Variants in NAALADL2 observed in about 807,000 individuals in gnomAD.
The protein encoded by NAALADL2 is N-acetylated alpha-linked acidic dipeptidase like 2, also known as inactive N-acetylated-alpha-linked acidic dipeptidase-like protein 2.
A neutral mutation model predicts 87.2 loss-of-function variants in NAALADL2; 76 were observed. The observed-to-expected ratio is 0.87, with a 90% CI of 0.72 to 1.05. NAALADL2 has a LOEUF of 1.05. Among genes scored for constraint, NAALADL2 ranks in the 50% least tolerant of loss-of-function variants. NAALADL2 has a pLI of 0.00. For missense variants in NAALADL2, 1,089 were observed against 945.8 expected (o/e 1.15, Z -1.99); for synonymous variants, 354 against 331.0 (o/e 1.07, Z -0.75).
chr3:175,305,714 G>T (rs1170582487), intron 4 of NAALADL2, among the ~76,000 whole-genome samples: 3 of 151,914 alleles, frequency 2.0e-5, no homozygotes, highest in Non-Finnish European at 4.4e-5. Flanking sequence ...TAGAGACAGG[G>T]TTTCTCCATG....
At position 175,330,597 on chromosome 3, in the gene NAALADL2, T is replaced by C. The variant is rs192269401; in HGVS notation, c.1090+6272T>C. On this transcript the variant is annotated intron_variant, in intron 5 of 13. Coordinates refer to ENST00000454872, the MANE Select transcript of NAALADL2 (RefSeq NM_207015.3). ...ACCATCAGGTTAAGGAGGGAAAAAA[T>C]ATTGAAACAAATGAAAATTGAAACA... 1.6e-3 allele frequency among the ~76,000 whole-genome samples: 236 copies of C among 151,822 alleles called. 2 individuals carry two copies. The highest frequency in any genetic ancestry group is 2.7e-3 in the Non-Finnish European group (183 of 67,912).
At chr3:175,173,810 T>G (rs976350178) in intron 2 of NAALADL2, among the ~76,000 whole-genome samples, 2 of 152,244 alleles carry the variant, frequency 1.3e-5, no homozygotes, top group East Asian at 3.9e-4. Flanking sequence ...CATAGTTTGT[T>G]GCATTCAGTA....
At chr3:175,119,524 CAGAG>C (rs1187397991) in intron 2 of NAALADL2, among the ~76,000 whole-genome samples, 1 of 149,474 alleles carries the variant, frequency 6.7e-6, no homozygotes, top group African/African-American at 2.5e-5. Flanking sequence ...GAGGCAGAGA[CAGAG>C]AGGGAGAGAG....
At chr3:174,841,010 AAAG>A (rs1176565592) in intron 3 of NAALADL2, among the ~76,000 whole-genome samples, 1 of 151,676 alleles carries the variant, frequency 6.6e-6, no homozygotes, top group Non-Finnish European at 1.5e-5. Flanking sequence ...ATTTTTTAGG[AAAG>A]CATGTTATGC....
At chr3:175,076,573 A>G (rs1310863893) in intron 1 of NAALADL2, among the ~76,000 whole-genome samples, 1 of 152,150 alleles carries the variant, frequency 6.6e-6, no homozygotes, top group Non-Finnish European at 1.5e-5. Flanking sequence ...CTAATATTTC[A>G]TGAATAAATA....
chr3:174,578,261 A>G (rs1361996986), intron 2 of NAALADL2, among the ~76,000 whole-genome samples: 1 of 151,982 alleles, frequency 6.6e-6, no homozygotes, highest in Non-Finnish European at 1.5e-5. Flanking sequence ...ACAATAATTG[A>G]TTTTTATATC....
intron 3 of NAALADL2, among the ~76,000 whole-genome samples, chr3:174,744,752 C>T (rs183088595): frequency 1.7e-3 from 259 of 152,012 alleles, no homozygotes; most frequent in Non-Finnish European, 1.9e-3. Flanking sequence ...ATAATCTCTC[C>T]GAACACAGTG....
At chr3:175,318,429 T>C (rs924330120) in intron 4 of NAALADL2, among the ~76,000 whole-genome samples, 2 of 152,094 alleles carry the variant, frequency 1.3e-5, no homozygotes, top group African/African-American at 4.8e-5. Context: ...ACTTTAGTAA[T>C]AAAAGGTAAT....
At chr3:175,440,836 G>A (rs956884708) in intron 5 of NAALADL2, among the ~76,000 whole-genome samples, 2 of 152,086 alleles carry the variant, frequency 1.3e-5, no homozygotes, top group South Asian at 2.1e-4. Context: ...AGCAAAGGGC[G>A]ACAGTTGGCT....
intron 3 of NAALADL2, among the ~76,000 whole-genome samples, chr3:174,785,519 T>C (rs1578918348): frequency 6.6e-6 from 1 of 152,196 alleles, no homozygotes; most frequent in African/African-American, 2.4e-5. Flanking sequence ...TTTTGTACCA[T>C]TACCATGCTG....
intron 3 of NAALADL2, among the ~76,000 whole-genome samples, chr3:174,769,397 T>C (rs1457013079): frequency 6.6e-6 from 1 of 152,042 alleles, no homozygotes; most frequent in African/African-American, 2.4e-5. Context: ...CTGTGTTGTT[T>C]GAGTGAGGTG....
intron 3 of NAALADL2, among the ~76,000 whole-genome samples, chr3:174,762,375 G>C (rs13087809): frequency 7.1e-6 from 1 of 140,668 alleles, no homozygotes; most frequent in African/African-American, 2.7e-5. Flanking sequence ...GGATGGTCTC[G>C]ATCTCCTGAC....
At chr3:175,325,818 T>C (rs1760637712) in intron 5 of NAALADL2, among the ~76,000 whole-genome samples, 1 of 152,228 alleles carries the variant, frequency 6.6e-6, no homozygotes, top group South Asian at 2.1e-4. Context: ...AGTTGCAAGT[T>C]TAGCATATAT....
At chr3:175,582,606 C>T (rs896696055) in intron 10 of NAALADL2, among the ~76,000 whole-genome samples, 1 of 152,132 alleles carries the variant, frequency 6.6e-6, no homozygotes, top group African/African-American at 2.4e-5. Flanking sequence ...ACAACTTTAA[C>T]ATATTTTATT....
At chr3:175,027,495 A>G (rs1298892105) in intron 1 of NAALADL2, among the ~76,000 whole-genome samples, 1 of 152,126 alleles carries the variant, frequency 6.6e-6, no homozygotes, top group Non-Finnish European at 1.5e-5. Flanking sequence ...AAGTTCAATT[A>G]AAAAGACCTA....
At chr3:175,372,711 A>T (rs544036809) in intron 5 of NAALADL2, among the ~76,000 whole-genome samples, 1 of 152,338 alleles carries the variant, frequency 6.6e-6, no homozygotes, top group African/African-American at 2.4e-5. Context: ...GCCATACTCA[A>T]TAGAATTGTA....
At chr3:174,668,377 C>T (rs1220289596) in intron 2 of NAALADL2, among the ~76,000 whole-genome samples, 1 of 151,880 alleles carries the variant, frequency 6.6e-6, no homozygotes, top group East Asian at 1.9e-4. Flanking sequence ...TCTTATTTGT[C>T]TATTTTTGCT....
intron 9 of NAALADL2, among the ~76,000 whole-genome samples, chr3:175,563,966 G>A (rs1010034725): frequency 6.6e-5 from 10 of 152,126 alleles, no homozygotes; most frequent in Admixed American, 2.0e-4. Flanking sequence ...ACAGTTTTAA[G>A]GTTATGCGAT....
intron 2 of NAALADL2, among the ~76,000 whole-genome samples, chr3:174,572,908 G>A (rs1214850558): frequency 1.3e-5 from 2 of 152,146 alleles, no homozygotes; most frequent in Non-Finnish European, 2.9e-5. Flanking sequence ...CTATGAGGTA[G>A]GTAATGGTAT....
Sources: allele counts gnomAD v4.1 joint callset (sites outside exome capture counted in the v4.1 genomes callset), GRCh38; gene constraint gnomAD v4.1.1; transcripts MANE v1.5; gene names NCBI Gene and HGNC (gene_info 2026-07-23, HGNC 2026-07-21).